WNT2B: variants seen among roughly 807,000 people sequenced by gnomAD.
WNT2B encodes the protein Wnt family member 2B.
WNT2B carries 19 observed loss-of-function variants against 40.5 expected under a neutral mutation model. The observed-to-expected ratio is 0.47, with a 90% CI of 0.33 to 0.69. The LOEUF (loss-of-function observed/expected upper bound fraction) is 0.69. Ranked by LOEUF, WNT2B falls within the 30% of genes least tolerant of loss-of-function variation. The pLI, the probability that WNT2B is intolerant of heterozygous loss-of-function variation, is 0.02. For missense variants in WNT2B, 467 were observed against 556.4 expected, an observed-to-expected ratio of 0.84 and a Z score of 1.62; for synonymous variants, 220 against 211.9, an observed-to-expected ratio of 1.04 and a Z score of -0.33.
At chr1:112,498,037 C>T (rs61820476) in intron 1 of WNT2B, among the ~76,000 whole-genome samples, 9,818 of 152,052 alleles carry the variant, frequency 0.065, 366 homozygotes, top group African/African-American at 0.11. Context: ...TTAAGCCCCG[C>T]ATGCATTAGA....
chr1:112,501,047 G>A (rs55633098), intron 1 of WNT2B, among the ~76,000 whole-genome samples: 2 of 151,958 alleles, frequency 1.3e-5, no homozygotes, highest in African/African-American at 4.8e-5. Context: ...TTTACTTGTC[G>A]TGTCTCCTTA....
intron 1 of WNT2B, among the ~76,000 whole-genome samples, chr1:112,513,225 T>C (rs1435406433): frequency 6.6e-6 from 1 of 152,154 alleles, no homozygotes; most frequent in Admixed American, 6.5e-5. Context: ...CCAACGGTCT[T>C]GATTCTCCAA....
intron 1 of WNT2B, among the ~76,000 whole-genome samples, chr1:112,513,253 T>C (rs1652417442): frequency 6.6e-6 from 1 of 152,170 alleles, no homozygotes; most frequent in Non-Finnish European, 1.5e-5. Context: ...ACCACAGCAG[T>C]GGGTGTAACT....
intron 1 of WNT2B, among the ~76,000 whole-genome samples, chr1:112,480,343 G>A (rs1570765266): frequency 6.8e-6 from 1 of 146,022 alleles, no homozygotes; most frequent in East Asian, 2.0e-4. Flanking sequence ...CTCAGCCTGG[G>A]TGACAGAGTA....
At position 112,509,409 on chromosome 1, in the gene WNT2B, G is replaced by A; in HGVS notation, c.147G>A (p.Leu49=). 1 of 1,594,920 alleles carries A rather than the reference G, an allele frequency of 6.3e-7. No individual in the cohort carries two copies. The highest frequency in any genetic ancestry group is 1.1e-5 in the South Asian group (1 of 89,982). ...TTGCCTGCCTTCTGCTCCTGCTGCT[G>A]CTGACGCTGCCGGCCCGCGTAGACA... ...LGLACLLLLL[L]LTLPARVDTS... is the part of the protein sequence containing the mutation. The change falls in exon 1 of 5, where the codon CTG becomes CTA. Residue 49 remains leucine, a synonymous_variant. Transcript: ENST00000369684. The surrounding 1 kb of genome is among the most constrained non-coding windows in gnomAD (Gnocchi z 4.2).
At chr1:112,486,582 G>A (rs1245077262) in intron 1 of WNT2B, among the ~76,000 whole-genome samples, 1 of 151,694 alleles carries the variant, frequency 6.6e-6, no homozygotes, top group East Asian at 1.9e-4. Flanking sequence ...CATTAACTAG[G>A]AGAATATACT....
Position 112,526,900 on chromosome 1 carries a change from A to G in WNT2B, c.*6391A>G, listed in dbSNP as rs1653528983. On this transcript the variant is annotated 3_prime_UTR_variant, in exon 5 of 5. Coordinates refer to ENST00000369684, the MANE Select transcript of WNT2B (RefSeq NM_024494.3). ...CAGATGCCTACCCGTGGCCTGGCAAAGGTCCTGGGATCTCAAGCTGATGCA... is the reference window on the plus strand; with the variant it reads ...CAGATGCCTACCCGTGGCCTGGCAAGGGTCCTGGGATCTCAAGCTGATGCA... The G allele has an allele frequency of 6.6e-6, 1 of 152,242 alleles. No homozygotes were observed. The highest frequency in any genetic ancestry group is 6.5e-5 in the Admixed American group (1 of 15,280). The allele number at this position is 152,242 out of a possible 1,614,324, so 9.4% of individuals were successfully genotyped here.
At chr1:112,500,194 G>A (rs760659842) in intron 1 of WNT2B, among the ~76,000 whole-genome samples, 5 of 152,094 alleles carry the variant, frequency 3.3e-5, no homozygotes, top group Admixed American at 6.5e-5. Context: ...TGTTTCCCTC[G>A]TTCTGTCATG....
Position 112,527,584 on chromosome 1 carries a change from A to G in WNT2B, c.*7075A>G, listed in dbSNP as rs956946916. ...TCCTGGAAAAGAGGCAGAGCAGGAGAGTGTTGAATGAGCTGCTGATGACAG... is the reference window on the plus strand; with the variant it reads ...TCCTGGAAAAGAGGCAGAGCAGGAGGGTGTTGAATGAGCTGCTGATGACAG... On this transcript the variant is annotated 3_prime_UTR_variant, in exon 5 of 5. Coordinates refer to ENST00000369684, the MANE Select transcript of WNT2B (RefSeq NM_024494.3). 4 of 152,580 alleles carry G rather than the reference A, an allele frequency of 2.6e-5. No homozygotes were observed. Among genetic ancestry groups the G allele is most frequent in the African/African-American group, 9.7e-5 (4 of 41,406 alleles). The allele number at this position is 152,580 out of a possible 1,614,324, so 9.5% of individuals were successfully genotyped here. A position where few individuals can be genotyped will look rare whatever the true frequency, so the allele number is the denominator to read the frequency against.
At chr1:112,488,288 A>G (rs1557911289) in intron 1 of WNT2B, among the ~76,000 whole-genome samples, 1 of 151,994 alleles carries the variant, frequency 6.6e-6, no homozygotes, top group African/African-American at 2.4e-5. Context: ...ACAGAGCAAG[A>G]CTCTGTCTCA....
chr1:112,504,221 A>G (rs1477780215), upstream of WNT2B, among the ~76,000 whole-genome samples: 1 of 152,086 alleles, frequency 6.6e-6, no homozygotes, highest in Non-Finnish European at 1.5e-5. Context: ...GATTACAGCC[A>G]AAGTGCCAAA....
intron 1 of WNT2B, among the ~76,000 whole-genome samples, chr1:112,468,822 G>T (rs943150297): frequency 2.6e-5 from 4 of 152,034 alleles, no homozygotes; most frequent in East Asian, 1.9e-4. Flanking sequence ...AGTCCTATTT[G>T]TCTATTTTTC....
At chr1:112,493,667 T>C (rs1018525511) in intron 1 of WNT2B, among the ~76,000 whole-genome samples, 4 of 151,382 alleles carry the variant, frequency 2.6e-5, no homozygotes, top group African/African-American at 9.7e-5. Context: ...GAAAAAAGAC[T>C]AGAAAGAAGA....
At chr1:112,488,379 T>G (rs1477836523) in intron 1 of WNT2B, among the ~76,000 whole-genome samples, 1 of 152,040 alleles carries the variant, frequency 6.6e-6, no homozygotes, top group Non-Finnish European at 1.5e-5. Flanking sequence ...GGAACACGAT[T>G]ATGGCACCTG....
intron 1 of WNT2B, among the ~76,000 whole-genome samples, chr1:112,500,303 A>G (rs894963853): frequency 1.3e-5 from 2 of 152,166 alleles, no homozygotes; most frequent in Non-Finnish European, 2.9e-5. Flanking sequence ...TTAAAGATAG[A>G]GTATTTGCAA....
At chr1:112,488,712 C>T (rs908952328) in intron 1 of WNT2B, among the ~76,000 whole-genome samples, 12 of 151,934 alleles carry the variant, frequency 7.9e-5, no homozygotes, top group Non-Finnish European at 1.0e-4. Flanking sequence ...CCACCATGCC[C>T]GGCTAATTTT....
intron 1 of WNT2B, among the ~76,000 whole-genome samples, chr1:112,487,647 G>A (rs997892228): frequency 2.0e-5 from 3 of 152,126 alleles, no homozygotes; most frequent in Admixed American, 1.3e-4. Context: ...CAAAATCTAA[G>A]CTGGGCTGGG....
chr1:112,496,240 G>C (rs140202601), intron 1 of WNT2B, among the ~76,000 whole-genome samples: 11 of 152,220 alleles, frequency 7.2e-5, no homozygotes, highest in Admixed American at 6.5e-4. Context: ...TTAGCCTCCC[G>C]AGTAGCTAGG....
At chr1:112,476,108 C>T (rs1371684412) in intron 1 of WNT2B, among the ~76,000 whole-genome samples, 1 of 152,074 alleles carries the variant, frequency 6.6e-6, no homozygotes, top group Admixed American at 6.6e-5. Flanking sequence ...TGTTCTCTGG[C>T]CACAATGGAA....
Sources: gnomAD v4.1 joint callset for allele counts (sites outside exome capture counted in the v4.1 genomes callset) on GRCh38, gnomAD v4.1.1 for gene constraint, Gnocchi (gnomAD v3.1) non-coding constraint, MANE v1.5 for transcripts, NCBI Gene and HGNC (gene_info 2026-07-23, HGNC 2026-07-21) for gene names.